GPC5: variants seen among roughly 807,000 people sequenced by gnomAD.
GPC5 encodes the protein glypican 5.
A neutral mutation model predicts 53.9 loss-of-function variants in GPC5; 47 were observed. The ratio of observed to expected loss-of-function variants is 0.87; its 90% CI spans 0.69 to 1.11. The LOEUF (loss-of-function observed/expected upper bound fraction) is 1.11, where lower values mean the gene tolerates loss of function less well. Ranked by LOEUF, GPC5 falls within the 50% of genes most tolerant of loss-of-function variation. The pLI is 0.00. For synonymous variants in GPC5, 286 were observed against 263.3 expected, an observed-to-expected ratio of 1.09 and a Z score of -0.84; for missense variants, 748 against 713.1, an observed-to-expected ratio of 1.05 and a Z score of -0.56.
chr13:92,860,297 T>C (rs772297653), intron 7 of GPC5, among the ~76,000 whole-genome samples: 5 of 152,160 alleles, frequency 3.3e-5, no homozygotes, highest in Non-Finnish European at 5.9e-5. Context: ...GACAGTTGCA[T>C]TGCCCTTCAG....
intron 1 of GPC5, among the ~76,000 whole-genome samples, chr13:91,423,098 T>C (rs1375835136): frequency 1.3e-5 from 2 of 152,148 alleles, no homozygotes; most frequent in Non-Finnish European, 1.5e-5. Flanking sequence ...GAACAAGAAA[T>C]AATTCTTGGT....
At chr13:92,338,027 A>G (rs1466203525) in intron 7 of GPC5, among the ~76,000 whole-genome samples, 20 of 152,150 alleles carry the variant, frequency 1.3e-4, no homozygotes, top group Admixed American at 1.2e-3. Flanking sequence ...AGGTGAATGC[A>G]TAAATTGGTA....
chr13:91,824,320 G>A (rs990230420), intron 5 of GPC5, among the ~76,000 whole-genome samples: 1 of 151,896 alleles, frequency 6.6e-6, no homozygotes, highest in South Asian at 2.1e-4. Context: ...AAGAAAATTA[G>A]GGCACTAAAT....
chr13:92,156,197 AT>A (rs34204710), intron 7 of GPC5, among the ~76,000 whole-genome samples: 11 of 151,494 alleles, frequency 7.3e-5, no homozygotes, highest in East Asian at 5.8e-4. Context: ...TTATCTCACT[AT>A]TTTTTTTCCA....
intron 7 of GPC5, among the ~76,000 whole-genome samples, chr13:92,805,209 A>G (rs1202283385): frequency 6.6e-6 from 1 of 152,014 alleles, no homozygotes; most frequent in Non-Finnish European, 1.5e-5. Flanking sequence ...AAGATTTTCT[A>G]TTTACTTTTC....
intron 5 of GPC5, among the ~76,000 whole-genome samples, chr13:91,870,527 A>G (rs1170424691): frequency 6.6e-6 from 1 of 152,210 alleles, no homozygotes; most frequent in Non-Finnish European, 1.5e-5. Context: ...AGCAGACGCC[A>G]TGACACTTAC....
chr13:91,643,162 G>T (rs2034474316), intron 2 of GPC5, among the ~76,000 whole-genome samples: 1 of 152,134 alleles, frequency 6.6e-6, no homozygotes, highest in African/African-American at 2.4e-5. Context: ...TGACAGAAAA[G>T]CAAGGGGTAA....
Position 92,527,245 on chromosome 13 carries a change from GAAA to G in GPC5, c.1562-339036_1562-339034del, listed in dbSNP as rs1881382924. The stretch of plus-strand genomic sequence containing the variant: ...AGAAAGAAAGAAAGAAAGAAAGAAA[GAAA>G]GAGAAAGAAAGAAAGAAAGAAAGAA... On this transcript the variant is annotated intron_variant, in intron 7 of 7. Transcript: ENST00000377067. Among the ~76,000 whole-genome samples, 6 of 36,030 alleles carry G rather than the reference GAAA, an allele frequency of 1.7e-4. 1 individual carries two copies. The South Asian group carries it at 7.4e-3, about 44-fold the overall frequency. The allele number at this position is 36,030 out of a possible 152,430, so 23.6% of individuals were successfully genotyped here. A position where few individuals can be genotyped will look rare whatever the true frequency, so the allele number is the denominator to read the frequency against.
At chr13:92,071,583 C>T (rs937404663) in intron 6 of GPC5, among the ~76,000 whole-genome samples, 11 of 151,934 alleles carry the variant, frequency 7.2e-5, no homozygotes, top group African/African-American at 2.2e-4. Flanking sequence ...CAAAATATAT[C>T]ATTAAAAAGT....
At chr13:91,876,720 C>T (rs965521966) in intron 5 of GPC5, among the ~76,000 whole-genome samples, 7 of 152,066 alleles carry the variant, frequency 4.6e-5, no homozygotes, top group South Asian at 4.1e-4. Context: ...AACCCATTTT[C>T]GGGGGAGAAA....
intron 3 of GPC5, among the ~76,000 whole-genome samples, 178 bp from the exon 4 acceptor site, chr13:91,728,354 G>C (rs1287515460): frequency 2.0e-5 from 3 of 152,000 alleles, no homozygotes. Context: ...GCCGTATTCA[G>C]ATAATTTACT....
At chr13:92,212,936 A>G (rs10467331) in intron 7 of GPC5, among the ~76,000 whole-genome samples, 4,614 of 152,276 alleles carry the variant, frequency 0.03, 235 homozygotes, top group African/African-American at 0.1. Flanking sequence ...TCTATCACCA[A>G]AATCCCTTGG....
At chr13:91,672,743 A>G (rs919195769) in intron 2 of GPC5, among the ~76,000 whole-genome samples, 3 of 152,244 alleles carry the variant, frequency 2.0e-5, no homozygotes, top group African/African-American at 7.2e-5. Flanking sequence ...TATATACCCA[A>G]GGGAATATAA....
chr13:92,712,215 T>C (rs1888163363), intron 7 of GPC5, among the ~76,000 whole-genome samples: 1 of 151,996 alleles, frequency 6.6e-6, no homozygotes, highest in Non-Finnish European at 1.5e-5. Context: ...ACAGTGATTC[T>C]GTCTAGCACT....
At chr13:92,693,047 GC>G (rs1887459332) in intron 7 of GPC5, among the ~76,000 whole-genome samples, 2 of 151,940 alleles carry the variant, frequency 1.3e-5, no homozygotes, top group African/African-American at 4.8e-5. Context: ...GCAGTTCCTA[GC>G]TCTCTCTCTG....
intron 7 of GPC5, among the ~76,000 whole-genome samples, chr13:92,725,110 C>G (rs1198696127): frequency 6.6e-6 from 1 of 151,590 alleles, no homozygotes; most frequent in Non-Finnish European, 1.5e-5. Context: ...GTTTTCTCAT[C>G]TTCCTAAATT....
At chr13:91,943,097 A>C (rs547909113) in intron 6 of GPC5, among the ~76,000 whole-genome samples, 2 of 152,228 alleles carry the variant, frequency 1.3e-5, no homozygotes, top group African/African-American at 4.8e-5. Context: ...TTGTACTTGT[A>C]CCATAATTAC....
chr13:92,839,652 A>G (rs981164791), intron 7 of GPC5, among the ~76,000 whole-genome samples: 1 of 152,104 alleles, frequency 6.6e-6, no homozygotes, highest in African/African-American at 2.4e-5. Flanking sequence ...TTATGGCTGC[A>G]TAGTACTCCA....
At chr13:92,560,857 A>ATATGTGTGTG in intron 7 of GPC5, among the ~76,000 whole-genome samples, 1 of 139,254 alleles carries the variant, frequency 7.2e-6, no homozygotes, top group South Asian at 2.4e-4. Context: ...AGAAAATTAT[A>ATATGTGTGTG]TGTGTGTGTG....
Sources: gnomAD v4.1 joint callset for allele counts (sites outside exome capture counted in the v4.1 genomes callset) on GRCh38, gnomAD v4.1.1 for gene constraint, MANE v1.5 for transcripts, NCBI Gene and HGNC (gene_info 2026-07-23, HGNC 2026-07-21) for gene names.